The following BRAF variants were observed in gnomAD, a reference collection of about 807,000 sequenced individuals.
The protein encoded by BRAF is serine/threonine-protein kinase B-raf.
Under a neutral mutation model 104.6 loss-of-function variants are expected in BRAF, and 16 were observed. The ratio of observed to expected loss-of-function variants is 0.15; its 90% CI spans 0.10 to 0.23. The LOEUF (loss-of-function observed/expected upper bound fraction) is 0.23, where lower values mean the gene tolerates loss of function less well. Among genes scored for constraint, BRAF ranks in the 10% least tolerant of loss-of-function variants. BRAF has a pLI of 1.00. For missense variants in BRAF, 541 were observed against 937.3 expected, an observed-to-expected ratio of 0.58 and a Z score of 5.52; for synonymous variants, 310 against 341.6, an observed-to-expected ratio of 0.91 and a Z score of 1.02.
chr7:140,760,156 T>C (rs1798554280), intron 14 of BRAF, among the ~76,000 whole-genome samples: 1 of 152,176 alleles, frequency 6.6e-6, no homozygotes, highest in South Asian at 2.1e-4. Context: ...ATCATGCCTG[T>C]AATTCCAGCA....
At chr7:140,770,962 T>C (rs976051364) in intron 14 of BRAF, among the ~76,000 whole-genome samples, 3 of 147,636 alleles carry the variant, frequency 2.0e-5, no homozygotes, top group Admixed American at 2.0e-4. Flanking sequence ...AAAAAGAAGA[T>C]GATAAAACAT....
At chr7:140,866,896 G>A (rs755371520) in intron 1 of BRAF, among the ~76,000 whole-genome samples, 20 of 152,056 alleles carry the variant, frequency 1.3e-4, no homozygotes, top group South Asian at 6.2e-4. Flanking sequence ...TTGTAAGACA[G>A]TGTTTTAAGG....
At chr7:140,915,852 T>G (rs1457303876) in intron 1 of BRAF, among the ~76,000 whole-genome samples, 1 of 152,100 alleles carries the variant, frequency 6.6e-6, no homozygotes, top group Non-Finnish European at 1.5e-5. Context: ...TCCCTGGAAG[T>G]GTAGTTTCAA....
chr7:140,790,975 C>T (rs1477392432), intron 8 of BRAF, among the ~76,000 whole-genome samples: 1 of 152,102 alleles, frequency 6.6e-6, no homozygotes, highest in African/African-American at 2.4e-5. Flanking sequence ...ATGGCGGGAG[C>T]CTGTAATCGC....
rs201758035 is a variant in BRAF at position 140,783,129 on chromosome 7, G to T, written c.1326C>A (p.Pro442=). 56 of 1,613,932 alleles carry T rather than the reference G, an allele frequency of 3.5e-5. No individual in the cohort carries two copies. Among genetic ancestry groups the T allele is most frequent in the Non-Finnish European group, 4.2e-5 (50 of 1,180,000 alleles). ...RGSTTGLSAT[P]PASLPGSLTN... ...TTAGTGAGCCAGGTAATGAGGCAGGGGGGGTAGCAGACAAACCTGTGGTTG... is the reference window on the plus strand; with the variant it reads ...TTAGTGAGCCAGGTAATGAGGCAGGTGGGGTAGCAGACAAACCTGTGGTTG... The change falls in exon 11 of 20, where the codon CCC becomes CCA. Residue 442 remains proline (P), a synonymous_variant. Coordinates refer to ENST00000644969, the MANE Select transcript of BRAF (RefSeq NM_001374258.1).
rs1797583928 is a variant in BRAF, at chr7:140,749,138, C to T, written c.2112+149G>A. 2.9e-6 allele frequency: 3 copies of T among 1,037,210 alleles called. No individual in the cohort carries two copies. In the Admixed American group the frequency reaches 6.7e-5, roughly 23 times the overall value. 64.3% of individuals were successfully genotyped at this position (1,037,210 alleles called of 1,614,324 possible). A position where few individuals can be genotyped will look rare whatever the true frequency, so the allele number is the denominator to read the frequency against. On this transcript the variant is annotated intron_variant, in intron 17 of 19. Transcript: ENST00000644969. ...AGGACTTAACGTGTTGCTATTACTGCCAAAAGTATACAAACGATTTCTAAA... is the reference window on the plus strand; with the variant it reads ...AGGACTTAACGTGTTGCTATTACTGTCAAAAGTATACAAACGATTTCTAAA...
chr7:140,917,959 G>C (rs1042340904), intron 1 of BRAF, among the ~76,000 whole-genome samples: 6 of 152,064 alleles, frequency 3.9e-5, no homozygotes, highest in Admixed American at 3.9e-4. Flanking sequence ...GTATTGTTGA[G>C]GAATTGTGAG....
At chr7:140,828,534 G>A (rs952845211) in intron 3 of BRAF, among the ~76,000 whole-genome samples, 1 of 152,156 alleles carries the variant, frequency 6.6e-6, no homozygotes, top group Non-Finnish European at 1.5e-5. Context: ...TAAAGAATAA[G>A]TAAGTAATAT....
chr7:140,816,269 A>G (rs1024450867), intron 3 of BRAF, among the ~76,000 whole-genome samples: 4 of 152,214 alleles, frequency 2.6e-5, no homozygotes, highest in Admixed American at 2.0e-4. Context: ...ATTCCTGTCT[A>G]CACAGAAACT....
chr7:140,849,666 G>A (rs1230911210), intron 2 of BRAF, among the ~76,000 whole-genome samples: 2 of 151,924 alleles, frequency 1.3e-5, no homozygotes, highest in African/African-American at 4.8e-5. Context: ...GAAAAAATTA[G>A]GTGGACGTGG....
At chr7:140,816,450 C>G (rs1008528905) in intron 3 of BRAF, among the ~76,000 whole-genome samples, 1 of 152,118 alleles carries the variant, frequency 6.6e-6, no homozygotes, top group African/African-American at 2.4e-5. Flanking sequence ...TTCTGGTATT[C>G]GTTTTATTGC....
At chr7:140,754,036 C>T in intron 15 of BRAF, 151 bp downstream of exon 14, 1 of 791,966 alleles carries the variant, frequency 1.3e-6, no homozygotes, top group Non-Finnish European at 2.1e-6. Context: ...GTATCCTGCT[C>T]TCCTATACAT....
chr7:140,836,596 A>T (rs1435660523), intron 2 of BRAF, among the ~76,000 whole-genome samples: 4 of 152,218 alleles, frequency 2.6e-5, no homozygotes, highest in African/African-American at 9.6e-5. Context: ...CCTGTTTCAT[A>T]GTAGATGAGG....
intron 14 of BRAF, among the ~76,000 whole-genome samples, chr7:140,762,363 C>T (rs566192176): frequency 6.7e-4 from 102 of 152,212 alleles, no homozygotes; most frequent in Non-Finnish European, 1.2e-3. Context: ...CACAACATAC[C>T]AGAATCTCTG....
Position 140,726,576 on chromosome 7 carries a change from A to G in BRAF, c.2402-60T>C, listed in dbSNP as rs1795608971. On this transcript the variant is annotated intron_variant, in intron 19 of 19. Coordinates refer to ENST00000644969, the MANE Select transcript of BRAF (RefSeq NM_001374258.1). ...GTCATCTCAAATAACCTAGAGACAC[A>G]GAAAAGCCTCATTTGAGCTTCACTG... 6 of 1,365,124 alleles carry G rather than the reference A, an allele frequency of 4.4e-6. No individual in the cohort carries two copies. The South Asian group carries it at 7.6e-5, about 17-fold the overall frequency. The allele number at this position is 1,365,124 out of a possible 1,614,324, so 84.6% of individuals were successfully genotyped here. A position where few individuals can be genotyped will look rare whatever the true frequency, so the allele number is the denominator to read the frequency against.
intron 19 of BRAF, chr7:140,734,552 T>C: frequency 6.2e-7 from 1 of 1,613,364 alleles, no homozygotes; most frequent in South Asian, 1.1e-5. Context: ...TGTTCATTTA[T>C]TTTCCTTTTG....
chr7:140,785,263 G>A (rs1801242658), intron 10 of BRAF, among the ~76,000 whole-genome samples: 1 of 151,980 alleles, frequency 6.6e-6, no homozygotes, highest in Admixed American at 6.5e-5. Context: ...AGTTTCCATT[G>A]ACACTTTAAT....
chr7:140,846,509 C>T (rs573227354), intron 2 of BRAF, among the ~76,000 whole-genome samples: 3 of 152,002 alleles, frequency 2.0e-5, no homozygotes, highest in Non-Finnish European at 2.9e-5. Flanking sequence ...GTGGTTGCTA[C>T]GAACTAGAGA....
At position 140,898,612 on chromosome 7, in the gene BRAF, T is replaced by A. The variant is rs17701571; in HGVS notation, c.138+25954A>T. Among the ~76,000 whole-genome samples the A allele has an allele frequency of 7.6e-3, 1,159 of 152,296 alleles. 44 individuals are homozygous for A. The highest frequency in any genetic ancestry group is 0.057 in the Admixed American group (871 of 15,294). ...TGCAAAACATCGTTCCATTAAAGCA[T>A]AACTGTAAAGCAAACCCCACAACCC... On this transcript the variant is annotated intron_variant, in intron 1 of 19. Transcript: ENST00000644969.
Sources: allele counts gnomAD v4.1 joint callset (sites outside exome capture counted in the v4.1 genomes callset), GRCh38; gene constraint gnomAD v4.1.1; transcripts MANE v1.5; gene names NCBI Gene and HGNC (gene_info 2026-07-23, HGNC 2026-07-21).